The following SYNE3 variants were observed in gnomAD, a reference collection of about 807,000 sequenced individuals.
The protein encoded by SYNE3 is nesprin-3.
In SYNE3, 100 loss-of-function variants were observed where a neutral mutation model predicts 111.2. The ratio of observed to expected loss-of-function variants is 0.90; its 90% CI spans 0.77 to 1.06. SYNE3 has a LOEUF of 1.06. Ranked by LOEUF, SYNE3 falls within the 50% of genes least tolerant of loss-of-function variation. The pLI is 0.00. For missense variants in SYNE3, 1,160 were observed against 1,240.3 expected, an observed-to-expected ratio of 0.94 and a Z score of 0.97; for synonymous variants, 547 against 533.9, an observed-to-expected ratio of 1.02 and a Z score of -0.34.
intron 17 of SYNE3, among the ~76,000 whole-genome samples, chr14:95,424,874 G>GA (rs1005402264): frequency 2.0e-5 from 3 of 152,106 alleles, no homozygotes; most frequent in Admixed American, 6.5e-5. Context: ...CCTGGACTGA[G>GA]AAAAAAAATC....
intron 4 of SYNE3, among the ~76,000 whole-genome samples, chr14:95,462,338 T>C (rs1887884988): frequency 1.3e-5 from 2 of 152,150 alleles, no homozygotes; most frequent in South Asian, 4.1e-4. Flanking sequence ...AACAAAGTCC[T>C]CAAGCTTGCA....
At chr14:95,484,494 C>T (rs1468271151) in intron 1 of SYNE3, among the ~76,000 whole-genome samples, 1 of 152,150 alleles carries the variant, frequency 6.6e-6, no homozygotes, top group African/African-American at 2.4e-5. Context: ...GGCAGGCAGG[C>T]AGGGCACTGG....
chr14:95,503,679 T>G (rs1387587807), intron 1 of SYNE3, among the ~76,000 whole-genome samples: 1 of 143,750 alleles, frequency 7.0e-6, no homozygotes, highest in Non-Finnish European at 1.5e-5. Flanking sequence ...AGCACAGTGG[T>G]GTGATCACAG....
chr14:95,417,967 T>G lies in SYNE3; in HGVS notation c.2787A>C (p.Pro929=). Residue 929 remains proline, a synonymous_variant, in exon 18 of 18, where the codon CCA becomes CCC. Coordinates refer to ENST00000682763, the MANE Select transcript of SYNE3 (RefSeq NM_152592.6). ...LFRRACCVAL[P]LQLLLLLFLL... The stretch of plus-strand genomic sequence containing the variant: ...GGAACAGCAGCAGAAGCAGCTGCAG[T>G]GGGAGCGCCACACAGCACGCCCTCC... The G allele has an allele frequency of 6.2e-7, 1 of 1,613,188 alleles. No individual in the cohort carries two copies.
At chr14:95,462,488 C>G (rs1887894430) in intron 4 of SYNE3, among the ~76,000 whole-genome samples, 1 of 152,256 alleles carries the variant, frequency 6.6e-6, no homozygotes, top group Non-Finnish European at 1.5e-5. Flanking sequence ...GACCAGCCAT[C>G]TGGCAACTCC....
chr14:95,508,411 T>C (rs1290537567), intron 1 of SYNE3, among the ~76,000 whole-genome samples: 1 of 152,254 alleles, frequency 6.6e-6, no homozygotes, highest in African/African-American at 2.4e-5. Context: ...ATTGAGCAGC[T>C]TTGATGGCTG....
intron 1 of SYNE3, among the ~76,000 whole-genome samples, chr14:95,479,073 A>G (rs1468586052): frequency 2.0e-5 from 3 of 152,050 alleles, no homozygotes; most frequent in Non-Finnish European, 4.4e-5. Flanking sequence ...CTCATCTGGA[A>G]AATGGGGATA....
chr14:95,450,028 T>C lies in SYNE3; in HGVS notation c.1352A>G (p.Asp451Gly). The C allele has an allele frequency of 6.4e-7, 1 of 1,560,216 alleles. No individual in the cohort carries two copies. Among genetic ancestry groups the C allele is most frequent in the Middle Eastern group, 1.8e-4 (1 of 5,628 alleles). ...GGCCAGGGCCTTCCACAGCTGCAGA[T>C]CCTGCAGAGGCCGCTGGAAATGCTG... ...LWQHFQRPLQDLQLWKALAQR... is the reference protein window; with the variant it reads ...LWQHFQRPLQGLQLWKALAQR... Residue 451 changes from aspartate (D) to glycine (G), a missense_variant, in exon 8 of 18, where the codon GAT (aspartate) becomes GGT (glycine). Coordinates refer to ENST00000682763, the MANE Select transcript of SYNE3 (RefSeq NM_152592.6).
chr14:95,505,735 T>C (rs8013939), intron 1 of SYNE3, among the ~76,000 whole-genome samples: 11 of 152,296 alleles, frequency 7.2e-5, no homozygotes, highest in African/African-American at 1.7e-4. Context: ...TCAGGATCAA[T>C]TGCCATATAT....
chr14:95,417,875 G>A lies in SYNE3; in HGVS notation c.2879C>T (p.Ala960Val). ...DRSCTLANNF[A>V]RSFTLMLRYN... is the part of the protein sequence containing the mutation. ...GCGCAGCATGAGCGTGAAGGAGCGG[G>A]CGAAGTTGTTGGCCAGGGTGCAGCT... Residue 960 changes from alanine (A) to valine (V), a missense_variant, in exon 18 of 18, where the codon GCC becomes GTC. Transcript: ENST00000682763. The A allele has an allele frequency of 6.2e-7, 1 of 1,614,240 alleles. No homozygotes were observed. The highest frequency in any genetic ancestry group is 1.1e-5 in the South Asian group (1 of 91,084).
rs888923412 is a variant in SYNE3 at position 95,415,373 on chromosome 14, G to A, written c.*2453C>T. 5 of 146,476 alleles carry A rather than the reference G, an allele frequency of 3.4e-5. No individual in the cohort carries two copies. Among genetic ancestry groups the A allele is most frequent in the Middle Eastern group, 3.9e-3 (1 of 258 alleles). 9.1% of individuals were successfully genotyped at this position (146,476 alleles called of 1,614,324 possible). A position where few individuals can be genotyped will look rare whatever the true frequency, so the allele number is the denominator to read the frequency against. On this transcript the variant is annotated 3_prime_UTR_variant, in exon 18 of 18. Coordinates refer to ENST00000682763, the MANE Select transcript of SYNE3 (RefSeq NM_152592.6). The stretch of plus-strand genomic sequence containing the variant: ...CACTCAGCTCCTGATTTTCCAGTAA[G>A]GTGGTCGCCTGCAGAGAACGGCCCT...
At chr14:95,490,866 A>G (rs1184577930) in intron 1 of SYNE3, among the ~76,000 whole-genome samples, 1 of 152,218 alleles carries the variant, frequency 6.6e-6, no homozygotes, top group African/African-American at 2.4e-5. Context: ...ACGCAGTACC[A>G]GCCAGCATGC....
intron 1 of SYNE3, among the ~76,000 whole-genome samples, chr14:95,493,871 A>G (rs1393190846): frequency 6.6e-6 from 1 of 152,226 alleles, no homozygotes; most frequent in African/African-American, 2.4e-5. Context: ...CCAATTCAAT[A>G]GCATTTGTTG....
chr14:95,485,115 A>G lies in SYNE3; in HGVS notation c.-14-9280T>C, dbSNP rs1187735. On this transcript the variant is annotated intron_variant, in intron 1 of 17. Transcript: ENST00000682763. This position sits in a 1 kb window ranked among gnomAD's most constrained non-coding sequence, Gnocchi z 4.3. Reference sequence around the variant, plus strand: ...TAGATGAGAACAGATGATTCTAACCATGGGCGTGAGTGTGTATTTGGCAAA... The same window carrying G: ...TAGATGAGAACAGATGATTCTAACCGTGGGCGTGAGTGTGTATTTGGCAAA... Among the ~76,000 whole-genome samples, 105,698 of 151,746 alleles carry G rather than the reference A, an allele frequency of 0.7. 37,218 individuals are homozygous for G. Among genetic ancestry groups the G allele is most frequent in the African/African-American group, 0.75 (30,967 of 41,362 alleles).
rs1368222140 is a variant in SYNE3 at position 95,417,960 on chromosome 14, G to T, written c.2794C>A (p.Leu932Met). Residue 932 changes from leucine (L) to methionine (M), a missense_variant, in exon 18 of 18, where the codon CTG (leucine) becomes ATG (methionine). Leu to Met is a conservative substitution (Grantham distance 15). Transcript: ENST00000682763. The part of the protein sequence containing the change: ...RACCVALPLQ[L>M]LLLLFLLLLF... ...AGGAGGAGGAACAGCAGCAGAAGCAGCTGCAGTGGGAGCGCCACACAGCAC... is the reference window on the plus strand; with the variant it reads ...AGGAGGAGGAACAGCAGCAGAAGCATCTGCAGTGGGAGCGCCACACAGCAC... 1 of 1,613,434 alleles carries T rather than the reference G, an allele frequency of 6.2e-7. No homozygotes were observed. The highest frequency in any genetic ancestry group is 1.3e-5 in the African/African-American group (1 of 74,914).
At position 95,416,711 on chromosome 14, in the gene SYNE3, CT is replaced by C. The variant is rs1181629189; in HGVS notation, c.*1114del. ...CCCATAGACCTGCTGTCTCCAGAGTCTTTTCTGGGAAGCGGAAGGAGAGCCC... is the reference window on the plus strand; with the variant it reads ...CCCATAGACCTGCTGTCTCCAGAGTCTTTCTGGGAAGCGGAAGGAGAGCCC... On this transcript the variant is annotated 3_prime_UTR_variant, in exon 18 of 18. Transcript: ENST00000682763. 1 of 152,372 alleles carries C rather than the reference CT, an allele frequency of 6.6e-6. No homozygotes were observed. The highest frequency in any genetic ancestry group is 2.4e-5 in the African/African-American group (1 of 41,464). The allele number at this position is 152,372 out of a possible 1,614,324, so 9.4% of individuals were successfully genotyped here. A position where few individuals can be genotyped will look rare whatever the true frequency, so the allele number is the denominator to read the frequency against.
rs1021529793 is a variant in SYNE3, at chr14:95,412,241, T to G, written c.*5585A>C. ...GAGGCAGCAAGACACTCTCATGCCC[T>G]GTTCCGAGCTCTCCCACTGTCTCCC... On this transcript the variant is annotated 3_prime_UTR_variant, in exon 18 of 18. Coordinates refer to ENST00000682763, the MANE Select transcript of SYNE3 (RefSeq NM_152592.6). The G allele has an allele frequency of 2.0e-5, 3 of 152,394 alleles. No homozygotes were observed. Among genetic ancestry groups the G allele is most frequent in the Admixed American group, 6.5e-5 (1 of 15,286 alleles). 9.4% of individuals were successfully genotyped at this position (152,394 alleles called of 1,614,324 possible).
chr14:95,439,397 G>T (rs1459289070), intron 13 of SYNE3, among the ~76,000 whole-genome samples: 1 of 152,254 alleles, frequency 6.6e-6, no homozygotes. Context: ...GCTCAAGCCA[G>T]TATAGACTGG....
Position 95,455,699 on chromosome 14 carries a change from C to A in SYNE3, c.815G>T (p.Gly272Val). ...CTCCAGCGTCTCCAGAGACTCCTCG[C>A]CCCTGGGAAAATCTTTGGCAATGTC... Reference protein sequence around the residue: ...LQDIAKDFPRGEESLETLEEQ... With the variant: ...LQDIAKDFPRVEESLETLEEQ... The change falls in exon 6 of 18, where the codon GGC becomes GTC. Residue 272 changes from glycine to valine, a missense_variant. Physicochemically the swap from Gly to Val is moderately radical, Grantham distance 109. Transcript: ENST00000682763. 1 of 1,614,120 alleles carries A rather than the reference C, an allele frequency of 6.2e-7. No individual in the cohort carries two copies. The highest frequency in any genetic ancestry group is 8.5e-7 in the Non-Finnish European group (1 of 1,180,046).
Sources: allele counts gnomAD v4.1 joint callset (sites outside exome capture counted in the v4.1 genomes callset), GRCh38; gene constraint gnomAD v4.1.1; non-coding constraint Gnocchi (gnomAD v3.1); transcripts MANE v1.5; gene names NCBI Gene and HGNC (gene_info 2026-07-23, HGNC 2026-07-21).